Variants in NR1H4 observed in about 807,000 individuals in gnomAD.
The protein encoded by NR1H4 is nuclear receptor subfamily 1 group H member 4.
Under a neutral mutation model 58.5 loss-of-function variants are expected in NR1H4, and 23 were observed. The ratio of observed to expected loss-of-function variants is 0.39; its 90% CI spans 0.28 to 0.56. The LOEUF (loss-of-function observed/expected upper bound fraction) is 0.56. Ranked by LOEUF, NR1H4 falls within the 20% of genes least tolerant of loss-of-function variation. NR1H4 has a pLI of 0.58. For synonymous variants in NR1H4, 214 were observed against 198.0 expected (o/e 1.08, Z -0.68); for missense variants, 487 against 576.9 (o/e 0.84, Z 1.60).
At chr12:100,503,264 A>G (rs1953876920) in intron 3 of NR1H4, 3 of 1,281,792 alleles carry the variant, frequency 2.3e-6, no homozygotes, top group Non-Finnish European at 3.1e-6. Flanking sequence ...GGCATTAAGA[A>G]CTTTCCTCAT....
chr12:100,532,816 G>T (rs1356159263), intron 5 of NR1H4, among the ~76,000 whole-genome samples: 6 of 152,006 alleles, frequency 3.9e-5, no homozygotes, highest in Non-Finnish European at 7.4e-5. Context: ...GGTTTTTTTT[G>T]TTGTTTTTCT....
At chr12:100,482,951 G>A (rs1253758037) in intron 1 of NR1H4, among the ~76,000 whole-genome samples, 1 of 152,098 alleles carries the variant, frequency 6.6e-6, no homozygotes, top group Non-Finnish European at 1.5e-5. Context: ...ATTTGAGACA[G>A]AGTGTCACTC....
intron 9 of NR1H4, among the ~76,000 whole-genome samples, chr12:100,550,232 A>G (rs1955173754): frequency 6.6e-6 from 1 of 152,204 alleles, no homozygotes; most frequent in Non-Finnish European, 1.5e-5. Context: ...CATTGATTTT[A>G]TTCCTAATGT....
At chr12:100,521,564 G>A (rs146316295) in intron 4 of NR1H4, among the ~76,000 whole-genome samples, 48 of 152,254 alleles carry the variant, frequency 3.2e-4, no homozygotes, top group Non-Finnish European at 3.5e-4. Flanking sequence ...TCACACATCC[G>A]AGAATGGTAG....
chr12:100,532,318 G>A, intron 4 of NR1H4, 140 bp from the exon 5 acceptor site: 4 of 693,358 alleles, frequency 5.8e-6, no homozygotes, highest in Non-Finnish European at 1.0e-5. Context: ...TAAAGTATTT[G>A]TCACTGGTGT....
At chr12:100,543,848 G>A (rs1052382203) in intron 9 of NR1H4, among the ~76,000 whole-genome samples, 2 of 152,106 alleles carry the variant, frequency 1.3e-5, no homozygotes, top group African/African-American at 2.4e-5. Flanking sequence ...ACATACACTG[G>A]TGGTTCTCTC....
At chr12:100,530,022 C>T (rs1265797138) in intron 4 of NR1H4, among the ~76,000 whole-genome samples, 1 of 152,162 alleles carries the variant, frequency 6.6e-6, no homozygotes, top group Non-Finnish European at 1.5e-5. Flanking sequence ...GCTATCTCAT[C>T]ACTCATATTT....
intron 4 of NR1H4, among the ~76,000 whole-genome samples, chr12:100,515,549 T>C (rs1954243512): frequency 6.6e-6 from 1 of 152,192 alleles, no homozygotes; most frequent in Admixed American, 6.5e-5. Context: ...TTAGTTTGAA[T>C]ATCAGTATAA....
intron 1 of NR1H4, among the ~76,000 whole-genome samples, chr12:100,487,502 G>C (rs1039458656): frequency 6.6e-6 from 1 of 152,008 alleles, no homozygotes; most frequent in Non-Finnish European, 1.5e-5. Flanking sequence ...GACAGGGGTG[G>C]GGAATGGGGG....
chr12:100,517,147 T>C (rs1397690838), intron 4 of NR1H4, among the ~76,000 whole-genome samples: 1 of 152,218 alleles, frequency 6.6e-6, no homozygotes, highest in Non-Finnish European at 1.5e-5. Flanking sequence ...TATCTAACTG[T>C]ATTCTTGGAC....
chr12:100,493,281 G>T lies in NR1H4; in HGVS notation c.-43G>T. On this transcript the variant is annotated 5_prime_UTR_variant, in exon 3 of 11. It removes the in-frame stop codon of an upstream open reading frame in the 5' UTR. Coordinates refer to ENST00000392986, the MANE Select transcript of NR1H4 (RefSeq NM_001206979.2). Reference sequence around the variant, plus strand: ...TATTTTCCTTTCAGGAGTTTTTTTTGAAGACCACCATAAAGAAAGTGCATT... The same window carrying T: ...TATTTTCCTTTCAGGAGTTTTTTTTTAAGACCACCATAAAGAAAGTGCATT... 3.1e-6 allele frequency: 3 copies of T among 981,148 alleles called. No individual in the cohort carries two copies. The highest frequency in any genetic ancestry group is 4.8e-6 in the Non-Finnish European group (3 of 620,850). 60.8% of individuals were successfully genotyped at this position (981,148 alleles called of 1,614,324 possible). A position where few individuals can be genotyped will look rare whatever the true frequency, so the allele number is the denominator to read the frequency against.
At chr12:100,560,251 A>C (rs942935317) in intron 9 of NR1H4, among the ~76,000 whole-genome samples, 12 of 152,204 alleles carry the variant, frequency 7.9e-5, no homozygotes, top group Non-Finnish European at 1.6e-4. Context: ...GGGTGGGGCC[A>C]GATAAGAGAA....
intron 3 of NR1H4, among the ~76,000 whole-genome samples, chr12:100,500,983 AT>A (rs934706375): frequency 2.0e-5 from 3 of 152,040 alleles, no homozygotes; most frequent in Non-Finnish European, 4.4e-5. Context: ...AGGAAAAAAT[AT>A]TTTTTTAGGG....
intron 1 of NR1H4, among the ~76,000 whole-genome samples, chr12:100,483,644 AAAACGT>A (rs1382824307): frequency 6.6e-6 from 1 of 152,194 alleles, no homozygotes; most frequent in Non-Finnish European, 1.5e-5. Flanking sequence ...TTGGAAAAAT[AAAACGT>A]TTTTTCTTTT....
chr12:100,541,234 C>T (rs1424373143), intron 9 of NR1H4, among the ~76,000 whole-genome samples: 1 of 151,886 alleles, frequency 6.6e-6, no homozygotes, highest in Non-Finnish European at 1.5e-5. Context: ...TTAATAGCAA[C>T]ATTTATATGT....
chr12:100,500,423 G>T (rs1436371580), intron 3 of NR1H4, among the ~76,000 whole-genome samples: 1 of 152,146 alleles, frequency 6.6e-6, no homozygotes, highest in Non-Finnish European at 1.5e-5. Flanking sequence ...TTTCTGTGAC[G>T]AAGGAAATGT....
intron 9 of NR1H4, among the ~76,000 whole-genome samples, chr12:100,553,761 C>T (rs961070164): frequency 5.9e-5 from 9 of 152,232 alleles, no homozygotes; most frequent in Admixed American, 5.9e-4. Context: ...TATTGACCTT[C>T]CCCACAGGCT....
In NR1H4 at chr12:100,563,385, GAATTACGGAC is replaced by G; in HGVS notation, c.1329_1338del (p.Glu443AspfsTer10). The G allele has an allele frequency of 6.2e-7, 1 of 1,614,118 alleles. No individual in the cohort carries two copies. Among genetic ancestry groups the G allele is most frequent in the Admixed American group, 1.7e-5 (1 of 60,020 alleles). ...TGCCTGTCTCCTGGGTCGCCTGACT[GAATTACGGAC>G]ATTCAATCATCACCACGCTGAGATG... On this transcript the variant is annotated frameshift_variant, in exon 11 of 11. Transcript: ENST00000392986. LOFTEE classifies it high-confidence loss of function.
chr12:100,539,795 G>A (rs564825652), intron 8 of NR1H4, among the ~76,000 whole-genome samples: 19 of 152,260 alleles, frequency 1.2e-4, no homozygotes, highest in Non-Finnish European at 2.2e-4. Context: ...ATATCATGTC[G>A]GGTGGTGATA....
Sources: allele counts gnomAD v4.1 joint callset (sites outside exome capture counted in the v4.1 genomes callset), GRCh38; gene constraint gnomAD v4.1.1; transcripts MANE v1.5; gene names NCBI Gene and HGNC (gene_info 2026-07-23, HGNC 2026-07-21).